ZNF254: variants seen among roughly 807,000 people sequenced by gnomAD.
ZNF254 encodes the protein zinc finger protein 254.
In ZNF254, 10 loss-of-function variants were observed where a neutral mutation model predicts 12.4. The observed-to-expected ratio is 0.80, with a 90% CI of 0.50 to 1.36. The LOEUF (loss-of-function observed/expected upper bound fraction) is 1.36. Among genes scored for constraint, ZNF254 ranks in the 40% most tolerant of loss-of-function variants. The pLI is 0.00. For synonymous variants in ZNF254, 305 were observed against 253.4 expected (o/e 1.20, Z -1.93); for missense variants, 996 against 763.9 (o/e 1.30, Z -3.58).
intron 1 of ZNF254, among the ~76,000 whole-genome samples, chr19:24,042,419 A>G (rs1244773850): frequency 1.3e-5 from 2 of 152,194 alleles, no homozygotes; most frequent in Non-Finnish European, 2.9e-5. Flanking sequence ...CACTGTGGAA[A>G]CTTTGTTCTT....
At chr19:24,059,359 C>T (rs976991376) in intron 2 of ZNF254, among the ~76,000 whole-genome samples, 4 of 152,184 alleles carry the variant, frequency 2.6e-5, no homozygotes, top group Non-Finnish European at 5.9e-5. Flanking sequence ...CCAGAACTTA[C>T]TTGATGCGAC....
chr19:24,087,135 C>A, upstream of ZNF254: 3 of 741,684 alleles, frequency 4.0e-6, no homozygotes, highest in South Asian at 1.5e-5. Flanking sequence ...TGGGAACTGT[C>A]CAATCAGGCA....
intron 3 of ZNF254, among the ~76,000 whole-genome samples, chr19:24,124,719 C>T (rs757251906): frequency 4.6e-5 from 7 of 151,632 alleles, no homozygotes; most frequent in Non-Finnish European, 8.8e-5. Flanking sequence ...TAACAGTTCA[C>T]TGACTATCTC....
chr19:24,124,592 A>G (rs1488463377), intron 3 of ZNF254, among the ~76,000 whole-genome samples: 1 of 151,486 alleles, frequency 6.6e-6, no homozygotes, highest in African/African-American at 2.4e-5. Context: ...TACTTTTTTT[A>G]TTTGGCAGGA....
intron 1 of ZNF254, among the ~76,000 whole-genome samples, chr19:24,043,022 G>GT (rs984769029): frequency 2.1e-4 from 32 of 151,812 alleles, no homozygotes; most frequent in Admixed American, 3.9e-4. Flanking sequence ...TTTTTTGTTT[G>GT]TTTTTTGCTT....
At chr19:24,107,438 A>G (rs1251251454) in intron 3 of ZNF254, 1 of 384,364 alleles carries the variant, frequency 2.6e-6, no homozygotes, top group Non-Finnish European at 4.6e-6. Context: ...TCTAAAATTG[A>G]GTATTTCATT....
intron 1 of ZNF254, among the ~76,000 whole-genome samples, chr19:24,092,770 C>A (rs1191897632): frequency 6.6e-6 from 1 of 152,166 alleles, no homozygotes; most frequent in African/African-American, 2.4e-5. Context: ...GTAGTGAACA[C>A]CCTTGTGCAT....
intron 2 of ZNF254, among the ~76,000 whole-genome samples, chr19:24,070,408 C>T (rs907662726): frequency 6.6e-6 from 1 of 152,166 alleles, no homozygotes; most frequent in Non-Finnish European, 1.5e-5. Context: ...TGAATCTCAA[C>T]CCTGGAGGCA....
chr19:24,107,711 T>G (rs1026234046), intron 3 of ZNF254, among the ~76,000 whole-genome samples: 1 of 152,200 alleles, frequency 6.6e-6, no homozygotes, highest in African/African-American at 2.4e-5. Context: ...TTCAGTGCTA[T>G]GTTAAAATAG....
At chr19:24,093,476 A>C (rs1396964768) in intron 1 of ZNF254, among the ~76,000 whole-genome samples, 2 of 152,140 alleles carry the variant, frequency 1.3e-5, no homozygotes, top group African/African-American at 2.4e-5. Flanking sequence ...ATATGGTGTA[A>C]TAAAGGGGTC....
intron 1 of ZNF254, among the ~76,000 whole-genome samples, chr19:24,041,343 G>A (rs989066174): frequency 2.0e-5 from 3 of 152,256 alleles, no homozygotes; most frequent in African/African-American, 7.2e-5. Flanking sequence ...CCGGGGCTGC[G>A]TGCGGCGCTT....
At chr19:24,103,500 C>T (rs1471931107) in intron 1 of ZNF254, among the ~76,000 whole-genome samples, 1 of 152,154 alleles carries the variant, frequency 6.6e-6, no homozygotes, top group Non-Finnish European at 1.5e-5. Flanking sequence ...ATGCAGAACT[C>T]TCTTTACTTG....
At chr19:24,117,098 G>A (rs1169704417) in intron 3 of ZNF254, among the ~76,000 whole-genome samples, 3 of 152,168 alleles carry the variant, frequency 2.0e-5, no homozygotes, top group African/African-American at 4.8e-5. Context: ...GTGTCAGTCT[G>A]CCCCTAGTGG....
At chr19:24,044,445 A>G (rs557829274) in intron 1 of ZNF254, among the ~76,000 whole-genome samples, 54 of 150,544 alleles carry the variant, frequency 3.6e-4, no homozygotes, top group African/African-American at 1.3e-3. Context: ...GGCTGAGGCA[A>G]GAAAATGGCA....
chr19:24,050,142 A>T (rs1302300882), intron 2 of ZNF254, among the ~76,000 whole-genome samples: 6 of 151,470 alleles, frequency 4.0e-5, no homozygotes, highest in Admixed American at 4.0e-4. Flanking sequence ...TATTTTATTT[A>T]TTGTATTATA....
At chr19:24,082,421 C>T (rs566521614), upstream of ZNF254, among the ~76,000 whole-genome samples, 25 of 124,362 alleles carry the variant, frequency 2.0e-4, no homozygotes, top group South Asian at 3.6e-3. Context: ...CCGAGGCGGG[C>T]GGATCACGAG....
At chr19:24,094,006 C>T (rs1279557260) in intron 1 of ZNF254, among the ~76,000 whole-genome samples, 2 of 151,936 alleles carry the variant, frequency 1.3e-5, no homozygotes, top group South Asian at 2.1e-4. Flanking sequence ...TCCTGGTATT[C>T]GTAGATATTT....
rs538902322 is a variant in ZNF254, at chr19:24,053,004, C to G, written c.-94+6725C>G. ...CAGGGAATGTCCTAACAGAACTCAG[C>G]ACACAGGGGAGGTTGCGACACTCAT... On this transcript the variant is annotated intron_variant, in intron 2 of 4. Coordinates refer to the ZNF254 transcript ENST00000613065. 2.0e-5 allele frequency among the ~76,000 whole-genome samples: 3 copies of G among 152,314 alleles called. No homozygotes were observed. In the South Asian group the frequency reaches 6.2e-4, roughly 32 times the overall value.
intron 1 of ZNF254, 35 bp downstream of exon 1, chr19:24,087,372 A>T (rs1401891881): frequency 1.2e-6 from 2 of 1,612,624 alleles, no homozygotes; most frequent in South Asian, 1.1e-5. Flanking sequence ...GAGAGAGGGG[A>T]GGGGGCTGGT....
Sources: gnomAD v4.1 joint callset for allele counts (sites outside exome capture counted in the v4.1 genomes callset) on GRCh38, gnomAD v4.1.1 for gene constraint, MANE v1.5 for transcripts, NCBI Gene and HGNC (gene_info 2026-07-23, HGNC 2026-07-21) for gene names.